ZFPM2: variants seen among roughly 807,000 people sequenced by gnomAD.
ZFPM2 encodes zinc finger protein ZFPM2.
A neutral mutation model predicts 98.6 loss-of-function variants in ZFPM2; 20 were observed. That is an observed-to-expected ratio of 0.20 (90% CI 0.14 to 0.29). ZFPM2 has a LOEUF of 0.29. Among genes scored for constraint, ZFPM2 ranks in the 10% least tolerant of loss-of-function variants. The pLI is 1.00. For synonymous variants in ZFPM2, 518 were observed against 502.7 expected, an observed-to-expected ratio of 1.03 and a Z score of -0.41; for missense variants, 1,310 against 1,388.6, an observed-to-expected ratio of 0.94 and a Z score of 0.90.
chr8:105,505,684 T>C (rs1868650), intron 3 of ZFPM2, among the ~76,000 whole-genome samples: 55,831 of 151,976 alleles, frequency 0.37, 12,145 homozygotes, highest in African/African-American at 0.62. Context: ...ACATTTCAAA[T>C]ATTATTACTA....
At chr8:105,563,928 A>T (rs564497313) in intron 4 of ZFPM2, among the ~76,000 whole-genome samples, 10 of 152,106 alleles carry the variant, frequency 6.6e-5, no homozygotes, top group Non-Finnish European at 1.5e-4. Context: ...AAAAGGATAT[A>T]TTTACTAAAA....
At chr8:105,396,386 G>T (rs1811219024) in intron 1 of ZFPM2, among the ~76,000 whole-genome samples, 1 of 152,182 alleles carries the variant, frequency 6.6e-6, no homozygotes, top group African/African-American at 2.4e-5. Flanking sequence ...GGCCTGATGG[G>T]AGTGAACACT....
At chr8:105,757,214 C>A (rs1812621850) in intron 5 of ZFPM2, among the ~76,000 whole-genome samples, 1 of 152,114 alleles carries the variant, frequency 6.6e-6, no homozygotes, top group African/African-American at 2.4e-5. Flanking sequence ...AGAGTGACGT[C>A]TAAAGGCATT....
intron 3 of ZFPM2, among the ~76,000 whole-genome samples, chr8:105,495,582 G>T (rs1439505934): frequency 6.6e-6 from 1 of 152,094 alleles, no homozygotes; most frequent in East Asian, 1.9e-4. Flanking sequence ...ATATCCATAG[G>T]TAGGAATTTA....
At chr8:105,495,368 A>G (rs1813445474) in intron 3 of ZFPM2, among the ~76,000 whole-genome samples, 1 of 152,240 alleles carries the variant, frequency 6.6e-6, no homozygotes, top group African/African-American at 2.4e-5. Context: ...CACATTGTGC[A>G]CATGTACCCT....
chr8:105,583,443 A>G (rs1815645511), intron 4 of ZFPM2, among the ~76,000 whole-genome samples: 1 of 152,190 alleles, frequency 6.6e-6, no homozygotes, highest in African/African-American at 2.4e-5. Context: ...AAAAAAATAG[A>G]GCAACAAATC....
At chr8:105,575,863 T>G (rs894962735) in intron 4 of ZFPM2, among the ~76,000 whole-genome samples, 1 of 152,204 alleles carries the variant, frequency 6.6e-6, no homozygotes, top group Admixed American at 6.5e-5. Flanking sequence ...TAATGCTGAT[T>G]CCATTTTGGC....
chr8:105,589,751 C>T (rs1361997449), intron 4 of ZFPM2, among the ~76,000 whole-genome samples: 1 of 152,112 alleles, frequency 6.6e-6, no homozygotes, highest in Non-Finnish European at 1.5e-5. Context: ...CGGAGTCTTG[C>T]TCTGTTGCCC....
chr8:105,773,720 A>C (rs1300034525), intron 5 of ZFPM2, among the ~76,000 whole-genome samples: 3 of 151,426 alleles, frequency 2.0e-5, no homozygotes, highest in Non-Finnish European at 4.4e-5. Context: ...AATAAACAAA[A>C]CCCCCCACCA....
intron 5 of ZFPM2, chr8:105,670,091 A>C (rs1160883698): frequency 6.6e-6 from 1 of 152,182 alleles, no homozygotes; most frequent in Admixed American, 6.5e-5. Flanking sequence ...ATGTTCTCTT[A>C]TGCCTTTAAA....
chr8:105,516,862 A>G lies in ZFPM2; in HGVS notation c.302-44501A>G, dbSNP rs75518026. ...GCCTATAAAATAGGCACTAAATACTATCCTCACTTTCCAGGAAAAGAAAGT... is the reference window on the plus strand; with the variant it reads ...GCCTATAAAATAGGCACTAAATACTGTCCTCACTTTCCAGGAAAAGAAAGT... On this transcript the variant is annotated intron_variant, in intron 3 of 7. Transcript: ENST00000407775. 3.7e-3 allele frequency among the ~76,000 whole-genome samples: 560 copies of G among 152,342 alleles called. 1 individual carries two copies. Among genetic ancestry groups the G allele is most frequent in the Non-Finnish European group, 6.7e-3 (453 of 68,040 alleles).
In ZFPM2 at chr8:105,802,482, A is replaced by G. The variant is rs1230361512; in HGVS notation, c.2400A>G (p.Glu800=). 2.3e-5 allele frequency: 37 copies of G among 1,613,076 alleles called. No individual in the cohort carries two copies. The highest frequency in any genetic ancestry group is 3.1e-5 in the Non-Finnish European group (37 of 1,179,572). ...CAGGAATTGTCTCTAAACACTTGGA[A>G]ACTTCTCTGACGATCAACAAGTGTG... ...IFPGIVSKHL[E]TSLTINKCVP... The change falls in exon 8 of 8, where the codon GAA becomes GAG. Residue 800 remains glutamate (E), a synonymous_variant. Coordinates refer to ENST00000407775, the MANE Select transcript of ZFPM2 (RefSeq NM_012082.4).
chr8:105,639,611 A>G (rs552030408), intron 5 of ZFPM2, among the ~76,000 whole-genome samples: 1 of 152,122 alleles, frequency 6.6e-6, no homozygotes. Context: ...ATGGAATAGC[A>G]ATGGCTACCA....
intron 3 of ZFPM2, among the ~76,000 whole-genome samples, chr8:105,503,291 A>C (rs1813633133): frequency 6.6e-6 from 1 of 152,196 alleles, no homozygotes; most frequent in Admixed American, 6.5e-5. Context: ...CTTTTATATT[A>C]ATCAGGAAGG....
intron 5 of ZFPM2, among the ~76,000 whole-genome samples, chr8:105,717,040 T>C (rs951455486): frequency 1.3e-5 from 2 of 152,008 alleles, no homozygotes; most frequent in Non-Finnish European, 2.9e-5. Context: ...TGCTGATACA[T>C]TTAAAAGGGA....
At chr8:105,632,966 T>G (rs1816780727) in intron 4 of ZFPM2, among the ~76,000 whole-genome samples, 1 of 152,222 alleles carries the variant, frequency 6.6e-6, no homozygotes, top group Non-Finnish European at 1.5e-5. Context: ...TATTTTATAG[T>G]AGTTTTAACA....
chr8:105,438,802 G>T (rs539889147), intron 2 of ZFPM2, among the ~76,000 whole-genome samples: 1 of 152,236 alleles, frequency 6.6e-6, no homozygotes, highest in Admixed American at 6.5e-5. Context: ...GCATCTCATT[G>T]CAGTCAACAT....
chr8:105,530,237 T>C (rs940182721), intron 3 of ZFPM2, among the ~76,000 whole-genome samples: 1 of 152,084 alleles, frequency 6.6e-6, no homozygotes, highest in African/African-American at 2.4e-5. Context: ...TGTTATCCCA[T>C]AGAACCAGCA....
intron 3 of ZFPM2, among the ~76,000 whole-genome samples, chr8:105,475,371 G>T (rs1324365078): frequency 1.3e-5 from 2 of 152,042 alleles, no homozygotes; most frequent in Non-Finnish European, 2.9e-5. Flanking sequence ...GAAACACTTC[G>T]GTGCTCCCTC....
Sources: allele counts gnomAD v4.1 joint callset (sites outside exome capture counted in the v4.1 genomes callset), GRCh38; gene constraint gnomAD v4.1.1; transcripts MANE v1.5; gene names NCBI Gene and HGNC (gene_info 2026-07-23, HGNC 2026-07-21).